STARD13: variants seen among roughly 807,000 people sequenced by gnomAD.
The protein encoded by STARD13 is StAR related lipid transfer domain containing 13, also known as stAR-related lipid transfer protein 13.
Under a neutral mutation model 106.4 loss-of-function variants are expected in STARD13, and 62 were observed. The observed-to-expected ratio is 0.58, with a 90% confidence interval of 0.48 to 0.72. The LOEUF (loss-of-function observed/expected upper bound fraction) is 0.72. STARD13 is among the 30% of genes least tolerant of loss of function. The pLI is 0.00. For missense variants in STARD13, 1,387 were observed against 1,424.0 expected (o/e 0.97, Z 0.42); for synonymous variants, 565 against 553.0 (o/e 1.02, Z -0.31).
chr13:33,528,169 TTATATA>T, the STARD13 span, among the ~76,000 whole-genome samples: 1 of 129,056 alleles, frequency 7.7e-6, no homozygotes, highest in African/African-American at 3.2e-5. Flanking sequence ...TAAGCTAATA[TTATATA>T]TATATATATA....
the STARD13 span, among the ~76,000 whole-genome samples, chr13:33,473,245 C>T: frequency 6.6e-6 from 1 of 152,118 alleles, no homozygotes; most frequent in East Asian, 1.9e-4. Flanking sequence ...TCTATGAAGG[C>T]CCTATAATGG....
At chr13:33,149,110 T>A (rs368052783) in intron 3 of STARD13, among the ~76,000 whole-genome samples, 10 of 152,312 alleles carry the variant, frequency 6.6e-5, no homozygotes, top group African/African-American at 2.2e-4. Flanking sequence ...GCAGCTACTC[T>A]CTATGATACT....
chr13:33,476,821 C>T, the STARD13 span, among the ~76,000 whole-genome samples: 2 of 152,158 alleles, frequency 1.3e-5, no homozygotes, highest in African/African-American at 2.4e-5. Flanking sequence ...TTAATGAAGC[C>T]TTTTGACTTC....
Position 33,196,884 on chromosome 13 carries a change from T to C in STARD13, c.170-29262A>G, listed in dbSNP as rs1204774161. ...AGCCAACTGAACTAGTGTAAAATTG[T>C]CTGGAAGACTATTTGAAATAGAGAT... On this transcript the variant is annotated intron_variant, in intron 1 of 13. Coordinates refer to ENST00000336934, the MANE Select transcript of STARD13 (RefSeq NM_178006.4). 2.6e-5 allele frequency among the ~76,000 whole-genome samples: 4 copies of C among 152,224 alleles called. No homozygotes were observed. In the East Asian group the frequency reaches 7.7e-4, roughly 29 times the overall value.
At chr13:33,224,739 T>G (rs772229244) in intron 1 of STARD13, among the ~76,000 whole-genome samples, 2 of 152,220 alleles carry the variant, frequency 1.3e-5, no homozygotes, top group Non-Finnish European at 2.9e-5. Context: ...ACATCCACCA[T>G]TAGTACTTCA....
the STARD13 span, among the ~76,000 whole-genome samples, chr13:33,544,773 T>TTC: frequency 1.2e-5 from 1 of 83,938 alleles, no homozygotes; most frequent in Non-Finnish European, 2.3e-5. Flanking sequence ...TTTTTCTCTT[T>TTC]TTTTTTTTTT....
the STARD13 span, among the ~76,000 whole-genome samples, chr13:33,546,719 C>A: frequency 0.076 from 11,615 of 151,922 alleles, 594 homozygotes; most frequent in East Asian, 0.28. Context: ...TCTCCACTTA[C>A]TGCAACCTCC....
intron 1 of STARD13, among the ~76,000 whole-genome samples, chr13:33,205,561 T>C (rs1316229181): frequency 6.6e-6 from 1 of 152,234 alleles, no homozygotes; most frequent in Admixed American, 6.5e-5. Flanking sequence ...TAGTCTGAGA[T>C]AAAACAATTC....
intron 1 of STARD13, chr13:33,205,714 C>A (rs990859268): frequency 3.7e-5 from 12 of 326,316 alleles, no homozygotes; most frequent in African/African-American, 2.7e-4. Flanking sequence ...AAGTCCACTA[C>A]AAAGAAAACT....
chr13:33,325,983 TAAAAA>T (rs59403273), intron 1 of STARD13, among the ~76,000 whole-genome samples: 10 of 96,188 alleles, frequency 1.0e-4, no homozygotes, highest in East Asian at 5.9e-4. Context: ...AGACTCCGTT[TAAAAA>T]AAAAAAAAAA....
At chr13:33,133,914 T>C (rs1350733934) in intron 4 of STARD13, among the ~76,000 whole-genome samples, 1 of 152,184 alleles carries the variant, frequency 6.6e-6, no homozygotes, top group Non-Finnish European at 1.5e-5. Context: ...AGTGTACTGA[T>C]TGTTTAAAAG....
intron 1 of STARD13, among the ~76,000 whole-genome samples, chr13:33,254,477 C>T (rs1384393432): frequency 6.6e-6 from 1 of 152,136 alleles, no homozygotes; most frequent in African/African-American, 2.4e-5. Flanking sequence ...TTGATATGGG[C>T]AGGAGGCAGG....
At chr13:33,140,273 A>C (rs955345163) in intron 4 of STARD13, among the ~76,000 whole-genome samples, 5 of 152,208 alleles carry the variant, frequency 3.3e-5, no homozygotes, top group African/African-American at 1.2e-4. Context: ...CAGTGCAGCT[A>C]ATGGTCGGTA....
At chr13:33,620,323 C>T in the STARD13 span, among the ~76,000 whole-genome samples, 1 of 150,656 alleles carries the variant, frequency 6.6e-6, no homozygotes, top group East Asian at 1.9e-4. Context: ...CACTCTGTCG[C>T]CCAGGCTGGA....
At chr13:33,544,220 A>G in the STARD13 span, among the ~76,000 whole-genome samples, 2 of 152,146 alleles carry the variant, frequency 1.3e-5, no homozygotes, top group Non-Finnish European at 2.9e-5. Context: ...CATTTCCTCA[A>G]GTTCCCTTGT....
the STARD13 span, among the ~76,000 whole-genome samples, chr13:33,487,290 C>T: frequency 6.6e-6 from 1 of 152,108 alleles, no homozygotes; most frequent in East Asian, 1.9e-4. Context: ...GATTTTGTTA[C>T]TATCATTATA....
intron 1 of STARD13, among the ~76,000 whole-genome samples, chr13:33,301,785 G>C (rs996729989): frequency 6.6e-6 from 1 of 151,882 alleles, no homozygotes; most frequent in Non-Finnish European, 1.5e-5. Context: ...AGCCAGGATG[G>C]TCTCGATCTC....
At chr13:33,424,660 G>A in the STARD13 span, among the ~76,000 whole-genome samples, 1 of 152,114 alleles carries the variant, frequency 6.6e-6, no homozygotes, top group Admixed American at 6.5e-5. Flanking sequence ...GCAGTGAGTG[G>A]CAATTCGATT....
chr13:33,181,050 G>GT (rs1306671459), intron 1 of STARD13, among the ~76,000 whole-genome samples: 2 of 152,100 alleles, frequency 1.3e-5, no homozygotes, highest in Admixed American at 6.5e-5. Context: ...ATTGTTGTGT[G>GT]TTTTTTGTTT....
Sources: gnomAD v4.1 joint callset for allele counts (sites outside exome capture counted in the v4.1 genomes callset) on GRCh38, gnomAD v4.1.1 for gene constraint, MANE v1.5 for transcripts, NCBI Gene and HGNC (gene_info 2026-07-23, HGNC 2026-07-21) for gene names.